Variants in MBD5 observed in about 807,000 individuals in gnomAD.
The protein encoded by MBD5 is methyl-CpG-binding domain protein 5.
In MBD5, 13 loss-of-function variants were observed where a neutral mutation model predicts 117.3. The observed-to-expected ratio is 0.11, with a 90% confidence interval of 0.07 to 0.18. The LOEUF (loss-of-function observed/expected upper bound fraction) is 0.18. Ranked by LOEUF, MBD5 falls within the 10% of genes least tolerant of loss-of-function variation. The probability of loss-of-function intolerance (pLI) is 1.00; values close to 1 mark genes in which losing one functional copy is unlikely to be tolerated. For synonymous variants in MBD5, 727 were observed against 766.4 expected, an observed-to-expected ratio of 0.95 and a Z score of 0.85; for missense variants, 1,879 against 2,093.8, an observed-to-expected ratio of 0.90 and a Z score of 2.00.
chr2:148,205,086 A>T (rs993938678), intron 2 of MBD5, among the ~76,000 whole-genome samples: 8 of 149,352 alleles, frequency 5.4e-5, no homozygotes, highest in East Asian at 3.9e-4. Flanking sequence ...TTTTTATTTT[A>T]TTTTTTTTTG....
At chr2:148,447,115 GAAAGAAAGAA>G (rs1217835792) in intron 4 of MBD5, among the ~76,000 whole-genome samples, 3 of 139,728 alleles carry the variant, frequency 2.1e-5, no homozygotes, top group South Asian at 2.3e-4. Flanking sequence ...GAAGGAGAAA[GAAAGAAAGAA>G]AAAGAAAGAG....
chr2:148,325,570 G>T (rs1184179288), intron 3 of MBD5, among the ~76,000 whole-genome samples: 2 of 152,154 alleles, frequency 1.3e-5, no homozygotes, highest in Admixed American at 6.5e-5. Context: ...TTGGGAGAGT[G>T]TATGTGTCGA....
Position 148,458,783 on chromosome 2 carries a change from G to C in MBD5, c.25G>C (p.Gly9Arg), listed in dbSNP as rs143952512. 3.1e-5 allele frequency: 50 copies of C among 1,613,432 alleles called. No homozygotes were observed. In the Middle Eastern group the frequency reaches 9.9e-4, roughly 32 times the overall value. Residue 9 changes from glycine (G) to arginine (R), a missense_variant, in exon 5 of 14, where the codon GGA (glycine) becomes CGA (arginine). By Grantham distance (125) the Gly-to-Arg change is moderately radical. This residue lies in a region of MBD5 where 71 missense variants were observed against 129.2 expected (regional missense o/e 0.55). Coordinates refer to ENST00000642680, the MANE Select transcript of MBD5 (RefSeq NM_001378120.1). MNGGKECD[G>R]GDKEGGLPAI... ...AATGAATGGAGGCAAAGAGTGTGAC[G>C]GAGGGGACAAGGAAGGAGGTCTTCC...
rs781154198 is a variant in MBD5 at position 148,490,223 on chromosome 2, A to G, written c.4591A>G (p.Ser1531Gly). Residue 1531 changes from serine (S) to glycine (G), a missense_variant, in exon 11 of 14, where the codon AGT becomes GGT. Coordinates refer to ENST00000642680, the MANE Select transcript of MBD5 (RefSeq NM_001378120.1). The stretch of plus-strand genomic sequence containing the variant: ...CATAAATGGGAATAGACCTCGACAG[A>G]GTCGGGGATTTGGAGAGCTGCTAAG... ...AHINGNRPRQ[S>G]RGFGELLSTA... is the part of the protein sequence containing the mutation. 6.2e-7 allele frequency: 1 copy of G among 1,614,216 alleles called. No individual in the cohort carries two copies. Among genetic ancestry groups the G allele is most frequent in the Non-Finnish European group, 8.5e-7 (1 of 1,180,044 alleles).
intron 6 of MBD5, among the ~76,000 whole-genome samples, chr2:148,463,093 A>T (rs762073462): frequency 1.3e-4 from 20 of 152,202 alleles, no homozygotes; most frequent in Non-Finnish European, 2.6e-4. Flanking sequence ...CCTCCTAGCC[A>T]AAATATGAAA....
chr2:148,445,316 G>A (rs1380962374), intron 4 of MBD5, among the ~76,000 whole-genome samples: 4 of 150,386 alleles, frequency 2.7e-5, no homozygotes, highest in African/African-American at 5.0e-5. Flanking sequence ...GCCCCAGTGT[G>A]TGATGTTCCC....
chr2:148,294,196 GTTTTTTTTTTTTTTTTTTTTTTTTTTTT>G, intron 3 of MBD5, among the ~76,000 whole-genome samples: 1 of 127,176 alleles, frequency 7.9e-6, no homozygotes, highest in African/African-American at 3.0e-5. Context: ...CCAGAATGAA[GTTTTTTTTTTTTTTTTTTTTTTTTTTTT>G]TTTTTTTTTT....
chr2:148,457,209 T>G (rs547570513), intron 4 of MBD5, among the ~76,000 whole-genome samples: 1 of 152,182 alleles, frequency 6.6e-6, no homozygotes, highest in Non-Finnish European at 1.5e-5. Context: ...GTTTGAAATA[T>G]AGTATTTTTT....
intron 4 of MBD5, among the ~76,000 whole-genome samples, chr2:148,415,204 T>C (rs1245814328): frequency 6.6e-6 from 1 of 152,136 alleles, no homozygotes; most frequent in African/African-American, 2.4e-5. Context: ...GAAAAGGGTC[T>C]TTTTACTCCT....
At chr2:148,283,751 AC>A (rs1287603565) in intron 3 of MBD5, among the ~76,000 whole-genome samples, 1 of 152,182 alleles carries the variant, frequency 6.6e-6, no homozygotes, top group Non-Finnish European at 1.5e-5. Context: ...GCCTATGCTT[AC>A]TAGAGCAGTG....
At chr2:148,429,219 TA>T (rs1705905661) in intron 4 of MBD5, among the ~76,000 whole-genome samples, 1 of 152,134 alleles carries the variant, frequency 6.6e-6, no homozygotes, top group African/African-American at 2.4e-5. Flanking sequence ...AGAAGACATT[TA>T]TGCAGCCAAC....
At chr2:148,213,356 A>G (rs948200769) in intron 2 of MBD5, among the ~76,000 whole-genome samples, 2 of 152,172 alleles carry the variant, frequency 1.3e-5, no homozygotes, top group Admixed American at 1.3e-4. Flanking sequence ...AATATAAGCT[A>G]ATATGCATAA....
intron 4 of MBD5, among the ~76,000 whole-genome samples, chr2:148,446,913 T>A (rs1396095207): frequency 6.6e-6 from 1 of 151,998 alleles, no homozygotes; most frequent in Non-Finnish European, 1.5e-5. Context: ...CAGAAAACAA[T>A]CTTTTTAATC....
At chr2:148,511,637 AAATACCAT>A (rs1434657937) in intron 13 of MBD5, among the ~76,000 whole-genome samples, 1 of 139,404 alleles carries the variant, frequency 7.2e-6, no homozygotes, top group African/African-American at 3.3e-5. Context: ...TGGCTAAACA[AAATACCAT>A]TTCAGCCACA....
chr2:148,152,081 G>A (rs1574071371), intron 1 of MBD5, among the ~76,000 whole-genome samples: 1 of 151,654 alleles, frequency 6.6e-6, no homozygotes, highest in African/African-American at 2.4e-5. Context: ...GGCATTTAGT[G>A]CTATAAATTT....
intron 1 of MBD5, among the ~76,000 whole-genome samples, chr2:148,053,336 T>C (rs1265865017): frequency 1.3e-5 from 2 of 152,162 alleles, no homozygotes; most frequent in Non-Finnish European, 2.9e-5. Flanking sequence ...AGCATTTACA[T>C]TTAAAGTTTT....
chr2:148,366,496 G>A (rs993522156), intron 4 of MBD5, among the ~76,000 whole-genome samples: 1 of 152,108 alleles, frequency 6.6e-6, no homozygotes, highest in African/African-American at 2.4e-5. Context: ...GCAAGAGAAA[G>A]AAATAAAGGG....
chr2:148,513,001 A>G lies in MBD5; in HGVS notation c.*60A>G. ...AAGGAACATGCACAGATGTATCTGTATATAGGTATTGATATAGCCACAGTT... is the reference window on the plus strand; with the variant it reads ...AAGGAACATGCACAGATGTATCTGTGTATAGGTATTGATATAGCCACAGTT... On this transcript the variant is annotated 3_prime_UTR_variant, in exon 14 of 14. Coordinates refer to ENST00000642680, the MANE Select transcript of MBD5 (RefSeq NM_001378120.1). 11 of 1,426,584 alleles carry G rather than the reference A, an allele frequency of 7.7e-6. No individual in the cohort carries two copies. The highest frequency in any genetic ancestry group is 2.3e-5 in the South Asian group (2 of 87,388). The allele number at this position is 1,426,584 out of a possible 1,614,324, so 88.4% of individuals were successfully genotyped here.
intron 3 of MBD5, among the ~76,000 whole-genome samples, chr2:148,273,153 G>C (rs1701024409): frequency 1.3e-5 from 2 of 152,114 alleles, no homozygotes; most frequent in Admixed American, 1.3e-4. Flanking sequence ...ATCTGACAGA[G>C]CTGACTCCAT....
Sources: allele counts gnomAD v4.1 joint callset (sites outside exome capture counted in the v4.1 genomes callset), GRCh38; gene constraint gnomAD v4.1.1; regional missense constraint gnomAD v4.1.1; transcripts MANE v1.5; gene names NCBI Gene and HGNC (gene_info 2026-07-23, HGNC 2026-07-21).